CDH10: variants seen among roughly 807,000 people sequenced by gnomAD.
CDH10 encodes the protein cadherin 10, also known as cadherin-10.
Under a neutral mutation model 73.1 loss-of-function variants are expected in CDH10, and 30 were observed. That is an observed-to-expected ratio of 0.41 (90% CI 0.31 to 0.56). The LOEUF is 0.56. Among genes scored for constraint, CDH10 ranks in the 20% least tolerant of loss-of-function variants. CDH10 has a pLI of 0.27. For synonymous variants in CDH10, 345 were observed against 348.2 expected, an observed-to-expected ratio of 0.99 and a Z score of 0.10; for missense variants, 815 against 973.7, an observed-to-expected ratio of 0.84 and a Z score of 2.17.
chr5:24,640,486 T>A, intron 1 of CDH10, among the ~76,000 whole-genome samples: 1 of 151,768 alleles, frequency 6.6e-6, no homozygotes, highest in Non-Finnish European at 1.5e-5. Flanking sequence ...AACTTTAATT[T>A]ATATCATCAC....
chr5:24,641,173 G>A (rs559870266), intron 1 of CDH10, among the ~76,000 whole-genome samples: 36 of 152,022 alleles, frequency 2.4e-4, no homozygotes, highest in Admixed American at 3.9e-4. Context: ...AGAAAGACAG[G>A]AGAAATGGAT....
At chr5:24,613,751 C>T (rs899923960) in intron 1 of CDH10, among the ~76,000 whole-genome samples, 6 of 151,968 alleles carry the variant, frequency 3.9e-5, no homozygotes, top group Admixed American at 6.6e-5. Flanking sequence ...TTCTGTGGTA[C>T]GGATAAAATA....
intron 2 of CDH10, among the ~76,000 whole-genome samples, chr5:24,551,777 C>A (rs1744555576): frequency 6.6e-6 from 1 of 152,032 alleles, no homozygotes; most frequent in Non-Finnish European, 1.5e-5. Context: ...TGCTTTAGAA[C>A]CTTCTATCTG....
At chr5:24,639,780 G>A (rs922558327) in intron 1 of CDH10, among the ~76,000 whole-genome samples, 1 of 151,706 alleles carries the variant, frequency 6.6e-6, no homozygotes, top group Non-Finnish European at 1.5e-5. Context: ...AAAAATCAGG[G>A]CTCTGTCAAA....
At chr5:24,513,315 G>A (rs987830433) in intron 5 of CDH10, among the ~76,000 whole-genome samples, 1 of 151,976 alleles carries the variant, frequency 6.6e-6, no homozygotes, top group Admixed American at 6.6e-5. Flanking sequence ...CACTGTGCCC[G>A]GCCCCTATAT....
intron 9 of CDH10, among the ~76,000 whole-genome samples, chr5:24,496,430 G>A (rs2111671608): frequency 6.6e-6 from 1 of 152,174 alleles, no homozygotes; most frequent in Admixed American, 6.5e-5. Flanking sequence ...AAAGGTGAAG[G>A]GTCAAGCAGC....
intron 1 of CDH10, among the ~76,000 whole-genome samples, chr5:24,632,489 T>C (rs1405179473): frequency 6.6e-6 from 1 of 152,040 alleles, no homozygotes; most frequent in South Asian, 2.1e-4. Context: ...TATCTCAGAA[T>C]AGAAGCACTT....
chr5:24,502,810 T>G (rs368413582), intron 8 of CDH10, among the ~76,000 whole-genome samples: 4 of 152,070 alleles, frequency 2.6e-5, no homozygotes, highest in Non-Finnish European at 5.9e-5. Flanking sequence ...AATGACCAGA[T>G]TGGATCATGT....
At chr5:24,494,587 C>A (rs1429676673) in intron 9 of CDH10, among the ~76,000 whole-genome samples, 1 of 151,880 alleles carries the variant, frequency 6.6e-6, no homozygotes, top group Admixed American at 6.6e-5. Flanking sequence ...ACATTTCCAA[C>A]TGTATATTTT....
chr5:24,586,481 C>T (rs925336781), intron 2 of CDH10, among the ~76,000 whole-genome samples: 3 of 98,892 alleles, frequency 3.0e-5, no homozygotes, highest in African/African-American at 9.9e-5. Context: ...CTCTTTTTGC[C>T]GAGGCTGGAG....
chr5:24,630,992 A>C (rs1209853556), intron 1 of CDH10, among the ~76,000 whole-genome samples: 1 of 152,144 alleles, frequency 6.6e-6, no homozygotes, highest in East Asian at 1.9e-4. Context: ...GCTAGATTGA[A>C]TACTTTGGCC....
At chr5:24,627,046 T>C (rs7717775) in intron 1 of CDH10, among the ~76,000 whole-genome samples, 140,644 of 151,568 alleles carry the variant, frequency 0.93, 66,054 homozygotes, top group East Asian at 1. Context: ...GCAACCATTG[T>C]GACCATTTTC....
intron 1 of CDH10, 49 bp from the exon 2 acceptor site, chr5:24,593,662 T>C (rs1463643385): frequency 3.7e-6 from 2 of 545,688 alleles, no homozygotes; most frequent in African/African-American, 1.9e-5. Flanking sequence ...ACATTATCAT[T>C]ATTACTTTTC....
At chr5:24,586,728 A>G (rs900052835) in intron 2 of CDH10, among the ~76,000 whole-genome samples, 1 of 151,700 alleles carries the variant, frequency 6.6e-6, no homozygotes, top group South Asian at 2.1e-4. Flanking sequence ...TACAGGCGAG[A>G]GTCATTGCAT....
intron 6 of CDH10, 46 bp downstream of exon 6, chr5:24,511,281 C>A (rs767149127): frequency 8.5e-7 from 1 of 1,172,920 alleles, no homozygotes; most frequent in Non-Finnish European, 1.3e-6. Context: ...AATGCAATCC[C>A]TACTCCTGAA....
At chr5:24,545,988 G>C (rs1030557783) in intron 2 of CDH10, among the ~76,000 whole-genome samples, 1 of 152,064 alleles carries the variant, frequency 6.6e-6, no homozygotes, top group Non-Finnish European at 1.5e-5. Flanking sequence ...TTTTTCAGAA[G>C]GTATAGGTTG....
intron 1 of CDH10, among the ~76,000 whole-genome samples, chr5:24,601,750 A>G (rs923617624): frequency 1.1e-4 from 17 of 152,138 alleles, no homozygotes; most frequent in Admixed American, 8.5e-4. Context: ...TTTTTTAAGA[A>G]TTGTGCCAGT....
chr5:24,545,756 T>C, intron 2 of CDH10, among the ~76,000 whole-genome samples: 1 of 151,812 alleles, frequency 6.6e-6, no homozygotes, highest in Admixed American at 6.6e-5. Context: ...GCATGCAAGG[T>C]TACAGTGAGG....
At chr5:24,568,152 A>G (rs1745230357) in intron 2 of CDH10, among the ~76,000 whole-genome samples, 1 of 151,984 alleles carries the variant, frequency 6.6e-6, no homozygotes, top group African/African-American at 2.4e-5. Context: ...CAAAACTTTA[A>G]GAGTCTTGTT....
Sources: allele counts gnomAD v4.1 joint callset (sites outside exome capture counted in the v4.1 genomes callset), GRCh38; gene constraint gnomAD v4.1.1; transcripts MANE v1.5; gene names NCBI Gene and HGNC (gene_info 2026-07-23, HGNC 2026-07-21).